The following ART3 variants were observed in gnomAD, a reference collection of about 807,000 sequenced individuals.
ART3 encodes ecto-ADP-ribosyltransferase 3.
In ART3, 49 loss-of-function variants were observed where a neutral mutation model predicts 48.5. The ratio of observed to expected loss-of-function variants is 1.01; its 90% CI spans 0.80 to 1.28. The LOEUF (loss-of-function observed/expected upper bound fraction) is 1.28, where lower values mean the gene tolerates loss of function less well. ART3 is among the 50% of genes most tolerant of loss of function. ART3 has a pLI of 0.00. For missense variants in ART3, 438 were observed against 454.3 expected (o/e 0.96, Z 0.33); for synonymous variants, 145 against 157.2 (o/e 0.92, Z 0.58).
chr4:76,061,765 T>G (rs1441721727), intron 1 of ART3, among the ~76,000 whole-genome samples: 2 of 152,236 alleles, frequency 1.3e-5, no homozygotes, highest in Non-Finnish European at 2.9e-5. Context: ...CTTTTTTATC[T>G]GACTGGAAGG....
intron 1 of ART3, among the ~76,000 whole-genome samples, chr4:76,030,347 T>A (rs1733768088): frequency 6.6e-6 from 1 of 152,220 alleles, no homozygotes; most frequent in Non-Finnish European, 1.5e-5. Context: ...TGAGCCACCG[T>A]GTCTGGCCTC....
intron 1 of ART3, among the ~76,000 whole-genome samples, chr4:76,069,555 A>G (rs1227407065): frequency 6.6e-6 from 1 of 151,566 alleles, no homozygotes; most frequent in African/African-American, 2.4e-5. Flanking sequence ...ACACTTGGCT[A>G]ATTTTTGTAT....
At chr4:76,056,587 G>A (rs1465286180) in intron 1 of ART3, among the ~76,000 whole-genome samples, 1 of 152,180 alleles carries the variant, frequency 6.6e-6, no homozygotes, top group Non-Finnish European at 1.5e-5. Context: ...GTAATGGGAG[G>A]ATGGGTTGGG....
At chr4:76,067,419 T>C (rs1245748994) in intron 1 of ART3, among the ~76,000 whole-genome samples, 1 of 151,618 alleles carries the variant, frequency 6.6e-6, no homozygotes, top group Admixed American at 6.6e-5. Flanking sequence ...GAATGCCCAA[T>C]GCCAGGAGGC....
intron 1 of ART3, among the ~76,000 whole-genome samples, chr4:76,027,880 G>A (rs1733546212): frequency 1.3e-5 from 2 of 150,770 alleles, no homozygotes; most frequent in Non-Finnish European, 3.0e-5. Context: ...ATCATCCAGG[G>A]TAAGCATATT....
intron 1 of ART3, among the ~76,000 whole-genome samples, chr4:76,020,702 C>T (rs1732718618): frequency 6.6e-6 from 1 of 151,882 alleles, no homozygotes; most frequent in Non-Finnish European, 1.5e-5. Context: ...GAAATTTGGC[C>T]ATAGGGCTGG....
chr4:76,011,729 A>G (rs1054991024), intron 1 of ART3, among the ~76,000 whole-genome samples: 1 of 152,202 alleles, frequency 6.6e-6, no homozygotes, highest in Non-Finnish European at 1.5e-5. Context: ...CTGTTCTGCC[A>G]TGGTAGGGTA....
At chr4:76,111,869 T>C (rs992029077) in intron 11 of ART3, 1 of 152,440 alleles carries the variant, frequency 6.6e-6, no homozygotes, top group African/African-American at 2.4e-5. Context: ...ATTTACAAAA[T>C]ATGTGCTAAT....
chr4:76,104,447 T>A, intron 9 of ART3, 150 bp from the exon 10 acceptor site: 4 of 1,458,866 alleles, frequency 2.7e-6, no homozygotes, highest in Non-Finnish European at 3.6e-6. Context: ...AATAAGGGTT[T>A]ACGTAAGCAG....
intron 1 of ART3, among the ~76,000 whole-genome samples, chr4:76,032,512 T>G (rs1733960027): frequency 2.0e-5 from 3 of 151,882 alleles, no homozygotes; most frequent in Non-Finnish European, 4.4e-5. Flanking sequence ...CAGCTGACTA[T>G]GTGAATTTTT....
chr4:76,049,860 G>C (rs1029638237), intron 1 of ART3, among the ~76,000 whole-genome samples: 1 of 152,000 alleles, frequency 6.6e-6, no homozygotes, highest in Non-Finnish European at 1.5e-5. Flanking sequence ...CTCACGGTGA[G>C]TGTTACAGCT....
At chr4:76,051,506 G>A (rs1736086005) in intron 1 of ART3, among the ~76,000 whole-genome samples, 1 of 152,122 alleles carries the variant, frequency 6.6e-6, no homozygotes, top group South Asian at 2.1e-4. Flanking sequence ...AATAATGCAT[G>A]TTTTAATGCC....
intron 1 of ART3, among the ~76,000 whole-genome samples, chr4:76,029,489 C>T (rs1733690069): frequency 6.6e-6 from 1 of 152,110 alleles, no homozygotes; most frequent in South Asian, 2.1e-4. Flanking sequence ...AATTTCATTA[C>T]CAGTGTCTGG....
chr4:76,093,505 T>C (rs552366437), intron 3 of ART3, among the ~76,000 whole-genome samples: 14 of 152,324 alleles, frequency 9.2e-5, no homozygotes, highest in Middle Eastern at 3.4e-3. Flanking sequence ...CTTCTACTTC[T>C]TGTTTTTTCC....
At chr4:76,104,182 G>A (rs1031772630) in intron 9 of ART3, among the ~76,000 whole-genome samples, 1 of 152,212 alleles carries the variant, frequency 6.6e-6, no homozygotes, top group African/African-American at 2.4e-5. Context: ...TCTGGGGCAG[G>A]AAAGTTAGTT....
At chr4:76,061,628 AT>A (rs1310154923) in intron 1 of ART3, among the ~76,000 whole-genome samples, 2 of 152,166 alleles carry the variant, frequency 1.3e-5, no homozygotes, top group African/African-American at 4.8e-5. Context: ...TTATGATCTG[AT>A]TCCTCTTTCC....
intron 2 of ART3, among the ~76,000 whole-genome samples, chr4:76,078,866 G>C (rs4859419): frequency 6.6e-6 from 1 of 151,888 alleles, no homozygotes; most frequent in African/African-American, 2.4e-5. Flanking sequence ...AGATCACGAG[G>C]TCGGGAGATC....
intron 1 of ART3, among the ~76,000 whole-genome samples, chr4:76,050,954 C>G (rs4605687): frequency 0.59 from 89,044 of 152,038 alleles, 26,937 homozygotes; most frequent in East Asian, 0.94. Context: ...GCTCCGAGTG[C>G]GGGGCCCGCC....
intron 1 of ART3, among the ~76,000 whole-genome samples, chr4:76,016,895 A>C (rs1264448934): frequency 6.6e-6 from 1 of 152,172 alleles, no homozygotes; most frequent in African/African-American, 2.4e-5. Context: ...ACCTAACACC[A>C]ATATTCACTT....
Sources: gnomAD v4.1 joint callset for allele counts (sites outside exome capture counted in the v4.1 genomes callset) on GRCh38, gnomAD v4.1.1 for gene constraint, MANE v1.5 for transcripts, NCBI Gene and HGNC (gene_info 2026-07-23, HGNC 2026-07-21) for gene names.